The following DNAH12 variants were observed in gnomAD, a reference collection of about 807,000 sequenced individuals.
The protein encoded by DNAH12 is axonemal beta dynein heavy chain 12.
DNAH12 carries 285 observed loss-of-function variants against 371.5 expected under a neutral mutation model. That is an observed-to-expected ratio of 0.77 (90% CI 0.70 to 0.85). DNAH12 has a LOEUF of 0.85. Among genes scored for constraint, DNAH12 ranks in the 40% least tolerant of loss-of-function variants. The pLI is 0.00. For synonymous variants in DNAH12, 1,200 were observed against 1,213.0 expected (o/e 0.99, Z 0.22); for missense variants, 3,611 against 3,689.4 (o/e 0.98, Z 0.55).
intron 24 of DNAH12, 108 bp downstream of exon 24, chr3:57,453,139 G>A (rs1269984007): frequency 1.0e-5 from 15 of 1,458,458 alleles, no homozygotes; most frequent in Middle Eastern, 4.2e-4. Flanking sequence ...TTATAAAAAA[G>A]ATTGTGTTAA....
chr3:57,551,279 A>T, the DNAH12 span, among the ~76,000 whole-genome samples: 26 of 145,760 alleles, frequency 1.8e-4, no homozygotes, highest in African/African-American at 6.3e-4. Flanking sequence ...TTATTTATTT[A>T]TTTATTTTTT....
In DNAH12 at chr3:57,418,548, A is replaced by G. The variant is rs570238403; in HGVS notation, c.5714+819T>C. ...GAGTGAGACCCTGTCTCAAAAAAAA[A>G]AACAAAAAACTGCTATACTAGAAAT... On this transcript the variant is annotated intron_variant, in intron 37 of 73. Coordinates refer to ENST00000495027, the MANE Select transcript of DNAH12 (RefSeq NM_001366028.2). Among the ~76,000 whole-genome samples, 94 of 151,250 alleles carry G rather than the reference A, an allele frequency of 6.2e-4. No individual in the cohort carries two copies. The East Asian group carries it at 0.018, about 29-fold the overall frequency.
chr3:57,374,937 A>G (rs1437993312), intron 55 of DNAH12, among the ~76,000 whole-genome samples: 1 of 152,278 alleles, frequency 6.6e-6, no homozygotes, highest in African/African-American at 2.4e-5. Context: ...CTGGAAAGGA[A>G]CATGAGGAGA....
chr3:57,385,658 G>A (rs2063486402), intron 47 of DNAH12, among the ~76,000 whole-genome samples: 1 of 152,198 alleles, frequency 6.6e-6, no homozygotes, highest in Non-Finnish European at 1.5e-5. Context: ...AAGGCCGGTG[G>A]ACTGCCTGAG....
intron 53 of DNAH12, among the ~76,000 whole-genome samples, chr3:57,376,771 C>T (rs1218544870): frequency 2.0e-5 from 3 of 152,116 alleles, no homozygotes; most frequent in Non-Finnish European, 4.4e-5. Flanking sequence ...GCCTTGTTTG[C>T]CTCTTTTAAA....
intron 12 of DNAH12, 65 bp from the exon 13 acceptor site, chr3:57,483,576 G>A (rs889930277): frequency 7.0e-7 from 1 of 1,426,560 alleles, no homozygotes; most frequent in Admixed American, 2.7e-5. Flanking sequence ...CAATAAATGT[G>A]TGTTATGACG....
intron 19 of DNAH12, among the ~76,000 whole-genome samples, chr3:57,460,023 C>T (rs545220962): frequency 1.3e-4 from 20 of 152,064 alleles, no homozygotes; most frequent in African/African-American, 4.1e-4. Flanking sequence ...GACCAGTTTC[C>T]TAATTTCTCG....
At chr3:57,521,887 C>CA (rs1288905079) in intron 4 of DNAH12, among the ~76,000 whole-genome samples, 1 of 151,318 alleles carries the variant, frequency 6.6e-6, no homozygotes, top group African/African-American at 2.4e-5. Context: ...GACTGTGTCT[C>CA]AAAAAAGAGA....
At chr3:57,366,279 A>C (rs2063049773) in intron 57 of DNAH12, among the ~76,000 whole-genome samples, 1 of 152,214 alleles carries the variant, frequency 6.6e-6, no homozygotes, top group African/African-American at 2.4e-5. Context: ...GGTCTAAAAA[A>C]GGGAAGCATA....
At chr3:57,330,315 A>G (rs1337920983) in intron 62 of DNAH12, among the ~76,000 whole-genome samples, 2 of 151,770 alleles carry the variant, frequency 1.3e-5, no homozygotes, top group African/African-American at 2.4e-5. Flanking sequence ...AACCAACCCA[A>G]ATGTCCAACA....
intron 30 of DNAH12, among the ~76,000 whole-genome samples, 167 bp downstream of exon 30, chr3:57,436,784 T>C (rs11714296): frequency 0.14 from 21,821 of 152,100 alleles, 1,607 homozygotes; most frequent in South Asian, 0.21. Context: ...GGACATGTAG[T>C]ATGAGAAATA....
At chr3:57,422,289 G>T (rs1382714330) in intron 35 of DNAH12, among the ~76,000 whole-genome samples, 2 of 151,580 alleles carry the variant, frequency 1.3e-5, no homozygotes, top group African/African-American at 4.9e-5. Flanking sequence ...GTACAGTGGT[G>T]CGATCTCAGC....
intron 29 of DNAH12, among the ~76,000 whole-genome samples, chr3:57,438,934 G>GAAAAAAAAAAAAAAA (rs1559659768): frequency 8.3e-5 from 4 of 48,270 alleles, no homozygotes; most frequent in African/African-American, 2.1e-4. Flanking sequence ...AAAAAAAAAG[G>GAAAAAAAAAAAAAAA]AAAGCAACTC....
chr3:57,478,619 T>A (rs2066620704), intron 13 of DNAH12, among the ~76,000 whole-genome samples: 1 of 151,704 alleles, frequency 6.6e-6, no homozygotes, highest in Non-Finnish European at 1.5e-5. Context: ...AGAAACGTAA[T>A]TGTCAGATTC....
chr3:57,466,745 C>T (rs1292589255), intron 17 of DNAH12, among the ~76,000 whole-genome samples: 1 of 151,986 alleles, frequency 6.6e-6, no homozygotes, highest in African/African-American at 2.4e-5. Context: ...ACCTAGTAAA[C>T]TTATGCCCTT....
chr3:57,551,910 T>G, the DNAH12 span, among the ~76,000 whole-genome samples: 2 of 150,788 alleles, frequency 1.3e-5, no homozygotes, highest in African/African-American at 4.9e-5. Flanking sequence ...TATTTTCACT[T>G]AGAAATAACT....
chr3:57,302,274 C>A (rs1296588831), intron 69 of DNAH12, among the ~76,000 whole-genome samples: 2 of 151,696 alleles, frequency 1.3e-5, no homozygotes, highest in Non-Finnish European at 2.9e-5. Flanking sequence ...AGGTGACAGG[C>A]AAATATGAAA....
chr3:57,308,666 T>C (rs2061521121), intron 69 of DNAH12, among the ~76,000 whole-genome samples: 1 of 152,098 alleles, frequency 6.6e-6, no homozygotes, highest in African/African-American at 2.4e-5. Context: ...TTCCAAGCCA[T>C]CACAGCTGAT....
intron 38 of DNAH12, among the ~76,000 whole-genome samples, chr3:57,414,380 G>A (rs2064300367): frequency 6.6e-6 from 1 of 151,912 alleles, no homozygotes; most frequent in Admixed American, 6.6e-5. Context: ...TTTCTTCACT[G>A]AATAATTTTA....
Sources: gnomAD v4.1 joint callset for allele counts (sites outside exome capture counted in the v4.1 genomes callset) on GRCh38, gnomAD v4.1.1 for gene constraint, MANE v1.5 for transcripts, NCBI Gene and HGNC (gene_info 2026-07-23, HGNC 2026-07-21) for gene names.